AP3B1: variants seen among roughly 807,000 people sequenced by gnomAD.
AP3B1 encodes AP-3 complex subunit beta-1.
A neutral mutation model predicts 132.5 loss-of-function variants in AP3B1; 61 were observed. The observed-to-expected ratio is 0.46, with a 90% CI of 0.37 to 0.57. The LOEUF is 0.57. Among genes scored for constraint, AP3B1 ranks in the 20% least tolerant of loss-of-function variants. AP3B1 has a pLI of 0.00. For synonymous variants in AP3B1, 388 were observed against 438.3 expected, an observed-to-expected ratio of 0.89 and a Z score of 1.43; for missense variants, 1,120 against 1,289.4, an observed-to-expected ratio of 0.87 and a Z score of 2.01.
At chr5:78,268,067 C>T (rs765743792) in intron 1 of AP3B1, among the ~76,000 whole-genome samples, 12 of 152,044 alleles carry the variant, frequency 7.9e-5, no homozygotes, top group Non-Finnish European at 1.3e-4. Flanking sequence ...ATAATTAAAA[C>T]ACCTACTTCT....
At chr5:78,114,642 C>T (rs1004255290) in intron 18 of AP3B1, among the ~76,000 whole-genome samples, 1 of 152,148 alleles carries the variant, frequency 6.6e-6, no homozygotes, top group Admixed American at 6.5e-5. Context: ...ATGACTATAA[C>T]TACAGAGTTG....
chr5:78,124,185 C>A (rs146377056), intron 17 of AP3B1, among the ~76,000 whole-genome samples: 4,005 of 152,176 alleles, frequency 0.026, 176 homozygotes, highest in African/African-American at 0.088. Context: ...ACATCACACT[C>A]CAGGGACTGT....
At chr5:78,103,996 C>T (rs1751231818) in intron 20 of AP3B1, among the ~76,000 whole-genome samples, 1 of 151,926 alleles carries the variant, frequency 6.6e-6, no homozygotes, top group African/African-American at 2.4e-5. Context: ...TCTGACATGA[C>T]AAGCATCAAA....
chr5:78,036,711 C>T (rs769564685), intron 23 of AP3B1, among the ~76,000 whole-genome samples: 6 of 152,062 alleles, frequency 3.9e-5, no homozygotes, highest in Non-Finnish European at 8.8e-5. Flanking sequence ...AGTCATTGCA[C>T]ATTACAGACA....
chr5:78,040,059 G>GT (rs1554059694), intron 22 of AP3B1, among the ~76,000 whole-genome samples: 1 of 151,950 alleles, frequency 6.6e-6, no homozygotes, highest in East Asian at 1.9e-4. Context: ...TCTTTGAACT[G>GT]TTTTTTTGTT....
chr5:78,288,465 T>C (rs1749375936), intron 1 of AP3B1, among the ~76,000 whole-genome samples: 1 of 152,184 alleles, frequency 6.6e-6, no homozygotes, highest in East Asian at 1.9e-4. Flanking sequence ...GTTCATTCCA[T>C]ACCTACATGA....
intron 12 of AP3B1, among the ~76,000 whole-genome samples, chr5:78,164,919 G>C (rs1743546945): frequency 6.6e-6 from 1 of 152,112 alleles, no homozygotes; most frequent in Non-Finnish European, 1.5e-5. Context: ...TTAGTGCATA[G>C]TATGTGGTAT....
chr5:78,144,014 A>AG (rs1180296785), intron 14 of AP3B1, among the ~76,000 whole-genome samples: 3 of 152,140 alleles, frequency 2.0e-5, no homozygotes, highest in African/African-American at 7.2e-5. Context: ...CAAAAAAAAA[A>AG]GAAAAGTAAA....
intron 22 of AP3B1, among the ~76,000 whole-genome samples, chr5:78,071,804 A>G (rs999064006): frequency 6.6e-6 from 1 of 152,186 alleles, no homozygotes; most frequent in Non-Finnish European, 1.5e-5. Context: ...AAGACAAGGC[A>G]ACCCTTCCCC....
intron 6 of AP3B1, among the ~76,000 whole-genome samples, chr5:78,221,456 A>C (rs1016223479): frequency 1.3e-5 from 2 of 152,070 alleles, no homozygotes; most frequent in Non-Finnish European, 2.9e-5. Context: ...TAAATTATAA[A>C]TTTTTTAAAG....
rs575489317 is a variant in AP3B1, at chr5:78,162,859, C to T, written c.1323G>A (p.Thr441=). The change falls in exon 13 of 27, where the codon ACG becomes ACA. Residue 441 remains threonine, a synonymous_variant. Transcript: ENST00000255194. ...CATNILEVTD[T]CLNGLVCLLS... ...GCAGACAGACCAAGCCATTGAGGCA[C>T]GTGTCAGTGACTTCCAAGATGTTGG... is the stretch of plus-strand genomic sequence containing the variant. 90 of 1,613,966 alleles carry T rather than the reference C, an allele frequency of 5.6e-5. No individual in the cohort carries two copies. The South Asian group carries it at 9.0e-4, about 16-fold the overall frequency.
chr5:78,211,801 AG>A (rs1382541353), intron 7 of AP3B1, among the ~76,000 whole-genome samples: 1 of 152,252 alleles, frequency 6.6e-6, no homozygotes, highest in Non-Finnish European at 1.5e-5. Context: ...TACAAGTCAC[AG>A]GGTAACAAAA....
intron 17 of AP3B1, among the ~76,000 whole-genome samples, chr5:78,120,132 G>A (rs1752098334): frequency 6.6e-6 from 1 of 152,080 alleles, no homozygotes; most frequent in South Asian, 2.1e-4. Context: ...TTACAGACAA[G>A]CAAATGCTGA....
In AP3B1 at chr5:78,177,446, A is replaced by G; in HGVS notation, c.943-10T>C. 1.3e-6 allele frequency: 2 copies of G among 1,599,550 alleles called. No homozygotes were observed. The highest frequency in any genetic ancestry group is 1.1e-5 in the South Asian group (1 of 90,788). On this transcript the variant is annotated splice_polypyrimidine_tract_variant and intron_variant, in intron 8 of 26. Transcript: ENST00000255194. ...CAACTGCCATAACCACCTACAAGAT[A>G]AAGCATAAAAATAACAGAACTATGA... is the stretch of plus-strand genomic sequence containing the variant.
At chr5:78,244,763 G>A (rs541380790) in intron 2 of AP3B1, among the ~76,000 whole-genome samples, 8 of 152,264 alleles carry the variant, frequency 5.3e-5, no homozygotes, top group East Asian at 3.9e-4. Context: ...TTGGGAGGCC[G>A]AGGAGCGTGG....
chr5:78,066,133 A>C (rs1454159497), intron 22 of AP3B1, among the ~76,000 whole-genome samples: 3 of 152,212 alleles, frequency 2.0e-5, no homozygotes, highest in African/African-American at 7.2e-5. Context: ...CAGCATCAAC[A>C]AAAAAGTCCC....
At chr5:78,258,913 T>A (rs769291521) in intron 2 of AP3B1, among the ~76,000 whole-genome samples, 2 of 152,106 alleles carry the variant, frequency 1.3e-5, no homozygotes, top group African/African-American at 2.4e-5. Flanking sequence ...GAAATGAAGA[T>A]CTTGTTAAGT....
At chr5:78,240,514 T>C (rs1294087874) in intron 3 of AP3B1, among the ~76,000 whole-genome samples, 3 of 152,160 alleles carry the variant, frequency 2.0e-5, no homozygotes, top group Non-Finnish European at 2.9e-5. Flanking sequence ...AAGGTCTGGA[T>C]ATACCCAAAT....
chr5:78,091,643 A>G (rs926500907), intron 21 of AP3B1, among the ~76,000 whole-genome samples: 16 of 152,224 alleles, frequency 1.1e-4, no homozygotes, highest in Non-Finnish European at 8.8e-5. Flanking sequence ...GGAAAGAAAG[A>G]AGCCAGTTAA....
Sources: gnomAD v4.1 joint callset for allele counts (sites outside exome capture counted in the v4.1 genomes callset) on GRCh38, gnomAD v4.1.1 for gene constraint, MANE v1.5 for transcripts, NCBI Gene and HGNC (gene_info 2026-07-23, HGNC 2026-07-21) for gene names.